PCDHGB3: variants seen among roughly 807,000 people sequenced by gnomAD.
The protein encoded by PCDHGB3 is protocadherin gamma-B3.
Under a neutral mutation model 59.2 loss-of-function variants are expected in PCDHGB3, and 40 were observed. The ratio of observed to expected loss-of-function variants is 0.68; its 90% CI spans 0.52 to 0.88. The LOEUF (loss-of-function observed/expected upper bound fraction) is 0.88, where lower values mean the gene tolerates loss of function less well. PCDHGB3 is among the 40% of genes least tolerant of loss of function. PCDHGB3 has a pLI of 0.00. For missense variants in PCDHGB3, 1,309 were observed against 1,187.9 expected (o/e 1.10, Z -1.50); for synonymous variants, 581 against 503.6 (o/e 1.15, Z -2.06).
At chr5:141,390,352 A>G (rs1340044054) in intron 1 of PCDHGB3, 2 of 1,557,524 alleles carry the variant, frequency 1.3e-6, no homozygotes, top group African/African-American at 2.7e-5. Context: ...GAAAATATAC[A>G]TATTTGCAGG....
rs747633858 is a variant in PCDHGB3, at chr5:141,491,133, C to T, written c.2416-3674C>T. 6.2e-6 allele frequency: 10 copies of T among 1,614,158 alleles called. No homozygotes were observed. In the South Asian group the frequency reaches 9.9e-5, roughly 16 times the overall value. The stretch of plus-strand genomic sequence containing the variant: ...CACACACTGGTGAGGTGCGCACAGC[C>T]CGGGCCTTACTGGAGGATGACTCTG... On this transcript the variant is annotated intron_variant, in intron 1 of 3. Transcript: ENST00000576222. The surrounding 1 kb of genome is among the most constrained non-coding windows in gnomAD (Gnocchi z 6.9).
chr5:141,412,931 T>C (rs1010992022), intron 1 of PCDHGB3: 5 of 453,108 alleles, frequency 1.1e-5, no homozygotes, highest in African/African-American at 2.0e-5. Flanking sequence ...CAGTAACTTC[T>C]TAGGACTCTG....
intron 1 of PCDHGB3, chr5:141,398,776 G>A: frequency 6.2e-7 from 1 of 1,613,904 alleles, no homozygotes; most frequent in Non-Finnish European, 8.5e-7. Flanking sequence ...TGCCTTGGAC[G>A]GTGGACATCC....
At chr5:141,450,881 G>A (rs1205242412) in intron 1 of PCDHGB3, among the ~76,000 whole-genome samples, 1 of 149,726 alleles carries the variant, frequency 6.7e-6, no homozygotes, top group African/African-American at 2.5e-5. Flanking sequence ...CTGGTGTGCA[G>A]TGGTGCGATA....
intron 1 of PCDHGB3, chr5:141,410,157 C>T: frequency 6.2e-7 from 1 of 1,613,546 alleles, no homozygotes; most frequent in Non-Finnish European, 8.5e-7. Context: ...GGTGGACAGC[C>T]GCCACTCTCT....
chr5:141,394,077 G>T (rs2092915591), intron 1 of PCDHGB3: 2 of 1,613,828 alleles, frequency 1.2e-6, no homozygotes, highest in Non-Finnish European at 1.7e-6. Context: ...CAATATCACA[G>T]TGATGGCCTC....
intron 1 of PCDHGB3, chr5:141,395,466 TC>T (rs951026760): frequency 3.5e-6 from 2 of 577,354 alleles, no homozygotes; most frequent in Non-Finnish European, 5.8e-6. Context: ...TTTTAAGCCT[TC>T]CAGTATTTTA....
chr5:141,505,243 G>A (rs2099844728), intron 2 of PCDHGB3, 150 bp from the exon 3 acceptor site: 1 of 1,424,622 alleles, frequency 7.0e-7, no homozygotes, highest in Non-Finnish European at 9.4e-7. Flanking sequence ...CTGAAGGATT[G>A]TAGAAGTGCC....
Position 141,491,699 on chromosome 5 carries a change from A to G in PCDHGB3, c.2416-3108A>G. The G allele has an allele frequency of 6.2e-7, 1 of 1,612,008 alleles. No individual in the cohort carries two copies. The highest frequency in any genetic ancestry group is 1.1e-5 in the South Asian group (1 of 90,926). ...TCTAATACGCTGCGGGAGCGGAGCC[A>G]GGTGAGGGGCTCGGCGCCGCCCCGG... On this transcript the variant is annotated intron_variant, in intron 1 of 3. Transcript: ENST00000576222. The surrounding 1 kb of genome is among the most constrained non-coding windows in gnomAD (Gnocchi z 6.9).
chr5:141,421,235 A>G (rs1375447356), intron 1 of PCDHGB3: 3 of 1,594,470 alleles, frequency 1.9e-6, no homozygotes, highest in East Asian at 2.2e-5. Context: ...GCCATGGCGA[A>G]TCGGCTACAG....
At chr5:141,388,841 A>G in intron 1 of PCDHGB3, 1 of 1,614,022 alleles carries the variant, frequency 6.2e-7, no homozygotes. Context: ...TTTTGGAAGC[A>G]AGGGACGGTG....
intron 2 of PCDHGB3, among the ~76,000 whole-genome samples, chr5:141,504,141 T>C (rs1289360763): frequency 6.6e-6 from 1 of 152,192 alleles, no homozygotes; most frequent in East Asian, 1.9e-4. Flanking sequence ...AACACTCCCC[T>C]GCAAATTGAA....
At chr5:141,403,314 T>C (rs1178188100) in intron 1 of PCDHGB3, 7 of 1,613,856 alleles carry the variant, frequency 4.3e-6, no homozygotes, top group Non-Finnish European at 5.1e-6. Flanking sequence ...GGAATAGAAA[T>C]AGAAGTAACT....
chr5:141,447,181 G>T (rs442221), intron 1 of PCDHGB3, among the ~76,000 whole-genome samples: 1 of 152,338 alleles, frequency 6.6e-6, no homozygotes, highest in Admixed American at 6.5e-5. Context: ...CTCTTGTCGC[G>T]CAGGCTGGAG....
intron 1 of PCDHGB3, chr5:141,433,041 C>G (rs1171788078): frequency 6.2e-7 from 1 of 1,614,036 alleles, no homozygotes; most frequent in Non-Finnish European, 8.5e-7. Flanking sequence ...TCCCTCACCA[C>G]GGACTCGCGG....
At chr5:141,377,447 A>AG (rs1773997095) in intron 1 of PCDHGB3, 1 of 152,082 alleles carries the variant, frequency 6.6e-6, no homozygotes, top group African/African-American at 2.4e-5. Context: ...AAGAAAAAAA[A>AG]GTAGCCAGAT....
At position 141,400,611 on chromosome 5, in the gene PCDHGB3, G is replaced by A. The variant is rs555600694; in HGVS notation, c.2415+27802G>A. The A allele has an allele frequency of 1.3e-5, 20 of 1,573,002 alleles. No homozygotes were observed. In the African/African-American group the frequency reaches 2.4e-4, roughly 19 times the overall value. On this transcript the variant is annotated intron_variant, in intron 1 of 3. Coordinates refer to ENST00000576222, the MANE Select transcript of PCDHGB3 (RefSeq NM_018924.5). The stretch of plus-strand genomic sequence containing the variant: ...ACTATCGTACATTTTCAAGTCCAAT[G>A]AGTTGTCTTAGGGAAGTCAGAGCTG...
rs2099670287 is a variant in PCDHGB3, at chr5:141,487,983, TC to T, written c.2416-6822del. Among the ~76,000 whole-genome samples, 3 of 152,290 alleles carry T rather than the reference TC, an allele frequency of 2.0e-5. No individual in the cohort carries two copies. The South Asian group carries it at 6.2e-4, about 32-fold the overall frequency. ...CAAAGGTGGCTGTTTTCTCTACTCT[TC>T]CTGAAAGAGGGGATCAGATTCTGAA... On this transcript the variant is annotated intron_variant, in intron 1 of 3. Coordinates refer to ENST00000576222, the MANE Select transcript of PCDHGB3 (RefSeq NM_018924.5). This position sits in a 1 kb window ranked among gnomAD's most constrained non-coding sequence, Gnocchi z 5.0.
At chr5:141,392,722 A>G in intron 1 of PCDHGB3, 1 of 1,389,524 alleles carries the variant, frequency 7.2e-7, no homozygotes, top group African/African-American at 1.5e-5. Context: ...AGGTTTCCGG[A>G]GGATTGTCAT....
Sources: allele counts gnomAD v4.1 joint callset (sites outside exome capture counted in the v4.1 genomes callset), GRCh38; gene constraint gnomAD v4.1.1; non-coding constraint Gnocchi (gnomAD v3.1); transcripts MANE v1.5; gene names NCBI Gene and HGNC (gene_info 2026-07-23, HGNC 2026-07-21).